HCFC1R1: variants seen among roughly 807,000 people sequenced by gnomAD.
HCFC1R1 encodes HCF-1 beta-propeller-interacting protein.
A neutral mutation model predicts 13.3 loss-of-function variants in HCFC1R1; 17 were observed. That is an observed-to-expected ratio of 1.28 (90% CI 0.87 to 1.91). HCFC1R1 has a LOEUF of 1.91. Ranked by LOEUF, HCFC1R1 falls within the 40% of genes most tolerant of loss-of-function variation. HCFC1R1 has a pLI of 0.00. For synonymous variants in HCFC1R1, 87 were observed against 71.1 expected (o/e 1.22, Z -1.12); for missense variants, 218 against 177.9 (o/e 1.23, Z -1.28).
At position 3,023,270 on chromosome 16, in the gene HCFC1R1, G is replaced by A. The variant is rs201654253; in HGVS notation, c.244C>T (p.Pro82Ser). The change falls in exon 3 of 4, where the codon CCC becomes TCC. Residue 82 changes from proline (P) to serine (S), a missense_variant. Coordinates refer to ENST00000248089, the MANE Select transcript of HCFC1R1 (RefSeq NM_017885.4). ...SLHNDHPYCSPPMTFSPALPP... is the reference protein window; with the variant it reads ...SLHNDHPYCSSPMTFSPALPP... ...AGGGCTGGGGAGAAGGTCATGGGGG[G>A]GCTGCAGTAGGGGTGGTCATTGTGC... 20 of 1,574,234 alleles carry A rather than the reference G, an allele frequency of 1.3e-5. No homozygotes were observed. The highest frequency in any genetic ancestry group is 7.1e-5 in the South Asian group (6 of 85,032).
chr16:3,022,901 AG>A lies in HCFC1R1; in HGVS notation c.378del (p.Tyr127ThrfsTer9). 6.6e-7 allele frequency: 1 copy of A among 1,509,826 alleles called. No individual in the cohort carries two copies. Among genetic ancestry groups the A allele is most frequent in the Admixed American group, 2.4e-5 (1 of 42,246 alleles). The allele number at this position is 1,509,826 out of a possible 1,614,324, so 93.5% of individuals were successfully genotyped here. A position where few individuals can be genotyped will look rare whatever the true frequency, so the allele number is the denominator to read the frequency against. ...LLRLGDTPSP[P>X]YPATPAGDIM... ...ATGTCCCCAGCTGGGGTTGCAGGGT[AG>A]GGGGGACTGGGGGTGTCCCCCAGCC... On this transcript the variant is annotated frameshift_variant, in exon 4 of 4. Transcript: ENST00000248089. LOFTEE classifies it high-confidence loss of function.
intron 1 of HCFC1R1, 142 bp downstream of exon 1, chr16:3,023,705 C>A: frequency 9.7e-7 from 1 of 1,032,762 alleles, no homozygotes; most frequent in South Asian, 1.5e-5. Context: ...CGACCCTCAG[C>A]CGCAGCCCCA....
Position 3,023,548 on chromosome 16 carries a change from C to G in HCFC1R1, c.96-18G>C, listed in dbSNP as rs767610631. On this transcript the variant is annotated intron_variant, in intron 1 of 3. Transcript: ENST00000248089. ...GAGGGGAGCTGGGAAAAAAAGAGAG[C>G]CTGGTGCACCCCACCCTCTTGGCCC... is the stretch of plus-strand genomic sequence containing the variant. The G allele has an allele frequency of 3.2e-6, 5 of 1,563,246 alleles. No individual in the cohort carries two copies. In the East Asian group the frequency reaches 6.8e-5, roughly 21 times the overall value.
upstream of HCFC1R1, chr16:3,024,266 C>T (rs2151132480): frequency 6.2e-7 from 1 of 1,608,160 alleles, no homozygotes; most frequent in East Asian, 2.2e-5. Flanking sequence ...CCGCTCTAGG[C>T]ACGTAAGGCC....
chr16:3,022,671 G>A lies in HCFC1R1; in HGVS notation c.*192C>T. On this transcript the variant is annotated 3_prime_UTR_variant, in exon 4 of 4. Coordinates refer to ENST00000248089, the MANE Select transcript of HCFC1R1 (RefSeq NM_017885.4). ...ATTCAGTTCTTCTTGGGGGTGGGAT[G>A]CCTCCCTTCCCATGCTCCCACCCCT... 2.2e-6 allele frequency: 1 copy of A among 464,604 alleles called. No individual in the cohort carries two copies. The highest frequency in any genetic ancestry group is 3.8e-6 in the Non-Finnish European group (1 of 261,680). 28.8% of individuals were successfully genotyped at this position (464,604 alleles called of 1,614,324 possible).
intron 2 of HCFC1R1, 27 bp downstream of exon 2, chr16:3,023,447 G>C (rs375776132): frequency 4.5e-5 from 73 of 1,613,600 alleles, no homozygotes; most frequent in Non-Finnish European, 5.7e-5. Flanking sequence ...GATCTTGTTG[G>C]GAGTCCCTCC....
In HCFC1R1 at chr16:3,023,912, G is replaced by C. The variant is rs897088684; in HGVS notation, c.30C>G (p.Gly10=). The C allele has an allele frequency of 1.3e-5, 21 of 1,557,608 alleles. No homozygotes were observed. The highest frequency in any genetic ancestry group is 1.7e-5 in the Non-Finnish European group (20 of 1,154,318). The part of the protein sequence containing the change: MILQQPLQR[G]PQGGAQRLPR... The stretch of plus-strand genomic sequence containing the variant: ...GGAGGCGCTGGGCCCCTCCCTGGGG[G>C]CCTCGCTGCAAGGGCTGCTGCAGGA... The change falls in exon 1 of 4, where the codon GGC becomes GGG. Residue 10 remains glycine, a synonymous_variant. Transcript: ENST00000248089.
rs917555877 is a variant in HCFC1R1, at chr16:3,022,776, G to A, written c.*87C>T. 1.6e-6 allele frequency: 2 copies of A among 1,236,926 alleles called. No homozygotes were observed. The highest frequency in any genetic ancestry group is 1.9e-5 in the South Asian group (1 of 52,302). The allele number at this position is 1,236,926 out of a possible 1,614,324, so 76.6% of individuals were successfully genotyped here. A position where few individuals can be genotyped will look rare whatever the true frequency, so the allele number is the denominator to read the frequency against. Reference sequence around the variant, plus strand: ...GCCCAGATGCCTACTCTGCAGGAGAGGGAGGAACCTTGTCCCTTTGCGGGA... The same window carrying A: ...GCCCAGATGCCTACTCTGCAGGAGAAGGAGGAACCTTGTCCCTTTGCGGGA... On this transcript the variant is annotated 3_prime_UTR_variant, in exon 4 of 4. Coordinates refer to ENST00000248089, the MANE Select transcript of HCFC1R1 (RefSeq NM_017885.4).
Position 3,023,221 on chromosome 16 carries a change from G to A in HCFC1R1, c.281+12C>T. ...TGATTCTGCAGAAGGCCTGGCCAGT[G>A]GAGGAACCTACCTGAGTGGGGGCAG... On this transcript the variant is annotated intron_variant, in intron 3 of 3. Transcript: ENST00000248089. 5 of 1,545,492 alleles carry A rather than the reference G, an allele frequency of 3.2e-6. No homozygotes were observed. The highest frequency in any genetic ancestry group is 4.4e-6 in the Non-Finnish European group (5 of 1,146,740).
chr16:3,023,520 G>A lies in HCFC1R1; in HGVS notation c.106C>T (p.Arg36Ter), dbSNP rs747884074. Reference protein sequence around the residue: ...TWGLDASSPLRGAVPMSTKRR... With the variant: ...TWGLDASSPL ...TTGGTGCTCATGGGCACAGCTCCTC[G>A]GAGAGGGGAGCTGGGAAAAAAAGAG... is the stretch of plus-strand genomic sequence containing the variant. The change falls in exon 2 of 4, where the codon CGA (arginine) becomes TGA (stop). Residue 36 changes from arginine to a stop codon, truncating the protein, a stop_gained. Transcript: ENST00000248089. LOFTEE classifies it high-confidence loss of function. 3 of 1,592,876 alleles carry A rather than the reference G, an allele frequency of 1.9e-6. No individual in the cohort carries two copies. In the South Asian group the frequency reaches 3.3e-5, roughly 18 times the overall value.
In HCFC1R1 at chr16:3,022,718, G is replaced by C. The variant is rs1417511506; in HGVS notation, c.*145C>G. The C allele has an allele frequency of 6.1e-6, 4 of 660,570 alleles. No individual in the cohort carries two copies. The highest frequency in any genetic ancestry group is 9.4e-6 in the Non-Finnish European group (4 of 425,448). The allele number at this position is 660,570 out of a possible 1,614,324, so 40.9% of individuals were successfully genotyped here. The stretch of plus-strand genomic sequence containing the variant: ...CCCTCCCATCCCAGAACTCCGTTGG[G>C]CTCAGTGTCCTCTGTTGAGGGAAGG... On this transcript the variant is annotated 3_prime_UTR_variant, in exon 4 of 4. Transcript: ENST00000248089.
At chr16:3,024,031 G>A (rs2072705676), upstream of HCFC1R1, 5 of 1,060,318 alleles carry the variant, frequency 4.7e-6, no homozygotes, top group Admixed American at 5.4e-5. Flanking sequence ...GGCTTTAGGC[G>A]GGCACAGCCG....
In HCFC1R1 at chr16:3,022,713, G is replaced by T. The variant is rs762014093; in HGVS notation, c.*150C>A. ...CCCACCCCTCCCATCCCAGAACTCC[G>T]TTGGGCTCAGTGTCCTCTGTTGAGG... On this transcript the variant is annotated 3_prime_UTR_variant, in exon 4 of 4. Transcript: ENST00000248089. 3.6e-6 allele frequency: 2 copies of T among 553,872 alleles called. No individual in the cohort carries two copies. Among genetic ancestry groups the T allele is most frequent in the Non-Finnish European group, 5.9e-6 (2 of 339,804 alleles). 34.3% of individuals were successfully genotyped at this position (553,872 alleles called of 1,614,324 possible). A position where few individuals can be genotyped will look rare whatever the true frequency, so the allele number is the denominator to read the frequency against.
chr16:3,023,971 G>A, upstream of HCFC1R1: 3 of 1,480,330 alleles, frequency 2.0e-6, no homozygotes, highest in Non-Finnish European at 2.7e-6. Flanking sequence ...GGTGGGATCT[G>A]GGCGACAGGG....
Position 3,022,800 on chromosome 16 carries a change from G to C in HCFC1R1, c.*63C>G, listed in dbSNP as rs116545155. ...AGGGAGGAACCTTGTCCCTTTGCGG[G>C]AGTCGCTGGTCTCTTCTGTTGTGGG... On this transcript the variant is annotated 3_prime_UTR_variant, in exon 4 of 4. Transcript: ENST00000248089. 1,883 of 1,380,530 alleles carry C rather than the reference G, an allele frequency of 1.4e-3. 29 individuals carry two copies. In the African/African-American group the frequency reaches 0.023, roughly 17 times the overall value. 85.5% of individuals were successfully genotyped at this position (1,380,530 alleles called of 1,614,324 possible).
In HCFC1R1 at chr16:3,023,868, A is replaced by T. The variant is rs1308820930; in HGVS notation, c.74T>A (p.Val25Glu). The T allele has an allele frequency of 6.5e-7, 1 of 1,548,154 alleles. No individual in the cohort carries two copies. The highest frequency in any genetic ancestry group is 1.9e-5 in the Admixed American group (1 of 52,276). Reference protein sequence around the residue: ...AQRLPRAALGVTWGLDASSPL... With the variant: ...AQRLPRAALGETWGLDASSPL... ...GCACCTGGCGTCCAGGCCCCAAGTC[A>T]CCCCCAAGGCGGCCCGCGGGAGGCG... is the stretch of plus-strand genomic sequence containing the variant. Residue 25 changes from valine (V) to glutamate (E), a missense_variant, in exon 1 of 4, where the codon GTG becomes GAG. Val to Glu is a moderately radical substitution (Grantham distance 121). Transcript: ENST00000248089.
At chr16:3,024,246 C>T (rs1294969750), upstream of HCFC1R1, 3 of 1,580,358 alleles carry the variant, frequency 1.9e-6, no homozygotes, top group Non-Finnish European at 2.6e-6. Context: ...TAGGGCGCCA[C>T]GGAGAGGAAC....
chr16:3,023,591 C>T, intron 1 of HCFC1R1, 61 bp from the exon 2 acceptor site: 1 of 1,489,556 alleles, frequency 6.7e-7, no homozygotes, highest in Non-Finnish European at 8.9e-7. Context: ...AGGATCTGCC[C>T]GCCTAAGCCT....
upstream of HCFC1R1, chr16:3,024,011 G>T (rs1020934116): frequency 4.1e-6 from 5 of 1,209,970 alleles, no homozygotes; most frequent in African/African-American, 3.1e-5. Flanking sequence ...GGCCAAGAGA[G>T]GATGGGCGTG....
Sources: gnomAD v4.1 joint callset for allele counts on GRCh38, gnomAD v4.1.1 for gene constraint, MANE v1.5 for transcripts, NCBI Gene and HGNC (gene_info 2026-07-23, HGNC 2026-07-21) for gene names.